ZNF146: variants seen among roughly 807,000 people sequenced by gnomAD.
The protein encoded by ZNF146 is zinc finger protein OZF.
In ZNF146, 9 loss-of-function variants were observed where a neutral mutation model predicts 22.2. That is an observed-to-expected ratio of 0.41 (90% CI 0.24 to 0.71). The LOEUF (loss-of-function observed/expected upper bound fraction) is 0.71. Among genes scored for constraint, ZNF146 ranks in the 30% least tolerant of loss-of-function variants. The pLI is 0.34. For synonymous variants in ZNF146, 108 were observed against 119.2 expected (o/e 0.91, Z 0.61); for missense variants, 194 against 344.8 (o/e 0.56, Z 3.46).
intron 1 of ZNF146, 141 bp from the exon 2 acceptor site, chr19:36,217,981 T>G (rs1976682603): frequency 1.3e-5 from 2 of 152,036 alleles, no homozygotes; most frequent in African/African-American, 4.8e-5. Context: ...GGCTTTGTAT[T>G]TTTAGTAGAG....
chr19:36,217,684 A>G (rs10412832), intron 1 of ZNF146, among the ~76,000 whole-genome samples: 39,274 of 151,732 alleles, frequency 0.26, 5,482 homozygotes, highest in African/African-American at 0.37. Flanking sequence ...CAGGAGTTTG[A>G]GACCAGCGTG....
intron 3 of ZNF146, among the ~76,000 whole-genome samples, chr19:36,233,004 A>G (rs1977455319): frequency 6.6e-6 from 1 of 152,174 alleles, no homozygotes; most frequent in African/African-American, 2.4e-5. Flanking sequence ...ACGCTTTTGT[A>G]TGTCCGTATC....
intron 2 of ZNF146, among the ~76,000 whole-genome samples, chr19:36,221,778 T>G (rs975939736): frequency 6.6e-6 from 1 of 152,086 alleles, no homozygotes; most frequent in Non-Finnish European, 1.5e-5. Flanking sequence ...AAGTGGGTTT[T>G]TTGTTTTTTG....
At chr19:36,219,406 T>C (rs1357787641) in intron 2 of ZNF146, among the ~76,000 whole-genome samples, 4 of 152,226 alleles carry the variant, frequency 2.6e-5, no homozygotes, top group Non-Finnish European at 5.9e-5. Context: ...GTTTGAGTTA[T>C]GTTTATCTTT....
chr19:36,236,550 T>A lies in ZNF146; in HGVS notation c.110T>A (p.Phe37Tyr). The change falls in exon 4 of 4, where the codon TTT (phenylalanine) becomes TAT (tyrosine). Residue 37 changes from phenylalanine to tyrosine, a missense_variant. Coordinates refer to ENST00000443387, the MANE Select transcript of ZNF146 (RefSeq NM_007145.3). ...HKSNLTEHEH[F>Y]HTREKPFECN... ...TCAAACCTCACTGAGCATGAGCATT[T>A]TCACACGAGAGAGAAACCTTTTGAA... The A allele has an allele frequency of 1.2e-6, 2 of 1,614,170 alleles. No individual in the cohort carries two copies. Among genetic ancestry groups the A allele is most frequent in the Non-Finnish European group, 1.7e-6 (2 of 1,180,036 alleles).
chr19:36,224,611 T>A (rs1347603228), intron 2 of ZNF146, among the ~76,000 whole-genome samples: 1 of 152,242 alleles, frequency 6.6e-6, no homozygotes, highest in African/African-American at 2.4e-5. Flanking sequence ...CTCGTCCTTT[T>A]CAGTGTTTCC....
chr19:36,227,411 T>G (rs1171645669), intron 2 of ZNF146, among the ~76,000 whole-genome samples: 1 of 151,530 alleles, frequency 6.6e-6, no homozygotes, highest in East Asian at 1.9e-4. Context: ...AAAAGATTTT[T>G]TTTTTTCTTT....
At chr19:36,231,216 C>T (rs906952320) in intron 3 of ZNF146, among the ~76,000 whole-genome samples, 1 of 150,948 alleles carries the variant, frequency 6.6e-6, no homozygotes, top group African/African-American at 2.5e-5. Flanking sequence ...TACAAAAGTT[C>T]TTCTTTTTTT....
chr19:36,215,015 TA>T (rs1401259725), upstream of ZNF146: 1 of 152,244 alleles, frequency 6.6e-6, no homozygotes, highest in African/African-American at 2.4e-5. Context: ...TTGCTGGTAA[TA>T]GAAGGTAATT....
intron 3 of ZNF146, among the ~76,000 whole-genome samples, chr19:36,232,814 T>C (rs892547241): frequency 1.3e-5 from 2 of 152,128 alleles, no homozygotes; most frequent in African/African-American, 2.4e-5. Context: ...TTCACCATGT[T>C]GGCCAGGCTT....
chr19:36,235,575 AG>A, intron 3 of ZNF146, 83 bp from the exon 4 acceptor site: 1 of 152,320 alleles, frequency 6.6e-6, no homozygotes, highest in East Asian at 1.9e-4. Context: ...GGTAAAATGA[AG>A]GGCTTACCAT....
intron 2 of ZNF146, among the ~76,000 whole-genome samples, chr19:36,222,164 T>C (rs1976875356): frequency 6.6e-6 from 1 of 152,138 alleles, no homozygotes. Flanking sequence ...GCTCAAGCAG[T>C]CCTCCTCTCT....
In ZNF146 at chr19:36,223,841, G is replaced by A. The variant is rs115470460; in HGVS notation, c.-854-4907G>A. On this transcript the variant is annotated intron_variant, in intron 2 of 3. Transcript: ENST00000443387. The stretch of plus-strand genomic sequence containing the variant: ...AGCTGACTGCAGCCTTCATATCCTC[G>A]CTAATTTAAAAAAAAAAAAATTGTA... Among the ~76,000 whole-genome samples the A allele has an allele frequency of 4.7e-3, 711 of 150,084 alleles. 6 individuals are homozygous for A. The highest frequency in any genetic ancestry group is 0.017 in the African/African-American group (676 of 40,192).
intron 2 of ZNF146, among the ~76,000 whole-genome samples, chr19:36,223,577 A>G (rs566283977): frequency 1.1e-4 from 16 of 151,866 alleles, no homozygotes; most frequent in African/African-American, 3.6e-4. Flanking sequence ...GTTAGCCAGG[A>G]TGGTCTCGAT....
At chr19:36,221,695 C>T (rs1976846131) in intron 2 of ZNF146, among the ~76,000 whole-genome samples, 3 of 152,080 alleles carry the variant, frequency 2.0e-5, no homozygotes, top group Non-Finnish European at 2.9e-5. Context: ...CTGCTCCCTT[C>T]CCCCAGTCAC....
rs1414106971 is a variant in ZNF146, at chr19:36,235,842, A to G, written c.-599A>G. ...AAGGCCACACCTTTTTGAAGTTTTC[A>G]GTTTGAAACACAACCTGGACTGAAA... On this transcript the variant is annotated 5_prime_UTR_variant, in exon 4 of 4. Coordinates refer to ENST00000443387, the MANE Select transcript of ZNF146 (RefSeq NM_007145.3). The G allele has an allele frequency of 6.6e-6, 1 of 152,242 alleles. No homozygotes were observed. Among genetic ancestry groups the G allele is most frequent in the Non-Finnish European group, 1.5e-5 (1 of 68,060 alleles). The allele number at this position is 152,242 out of a possible 1,614,324, so 9.4% of individuals were successfully genotyped here.
intron 2 of ZNF146, among the ~76,000 whole-genome samples, chr19:36,220,956 G>A (rs10425166): frequency 0.26 from 39,436 of 151,190 alleles, 5,568 homozygotes; most frequent in African/African-American, 0.38. Context: ...CAGTTCCAGC[G>A]ATTCTCCTGC....
In ZNF146 at chr19:36,237,483, C is replaced by A. The variant is rs1167381759; in HGVS notation, c.*164C>A. Reference sequence around the variant, plus strand: ...AGAAAATTTGTACTGAAGAGAAAGACATGCATATGATTAAAACCCTGTGTC... The same window carrying A: ...AGAAAATTTGTACTGAAGAGAAAGAAATGCATATGATTAAAACCCTGTGTC... On this transcript the variant is annotated 3_prime_UTR_variant, in exon 4 of 4. Coordinates refer to ENST00000443387, the MANE Select transcript of ZNF146 (RefSeq NM_007145.3). 3 of 768,380 alleles carry A rather than the reference C, an allele frequency of 3.9e-6. No homozygotes were observed. 47.6% of individuals were successfully genotyped at this position (768,380 alleles called of 1,614,324 possible).
rs993133315 is a variant in ZNF146 at position 36,238,078 on chromosome 19, T to G, written c.*759T>G. 1.2e-5 allele frequency: 2 copies of G among 167,026 alleles called. No homozygotes were observed. The highest frequency in any genetic ancestry group is 4.8e-5 in the African/African-American group (2 of 41,436). 10.3% of individuals were successfully genotyped at this position (167,026 alleles called of 1,614,324 possible). On this transcript the variant is annotated 3_prime_UTR_variant, in exon 4 of 4. Transcript: ENST00000443387. ...TGGCTTGATTTGTAGTAGCCAAAAA[T>G]TAGAAACAACTGAGAAAGCCCATCA...
Sources: allele counts gnomAD v4.1 joint callset (sites outside exome capture counted in the v4.1 genomes callset), GRCh38; gene constraint gnomAD v4.1.1; transcripts MANE v1.5; gene names NCBI Gene and HGNC (gene_info 2026-07-23, HGNC 2026-07-21).